NCAM2: variants seen among roughly 807,000 people sequenced by gnomAD.
The protein encoded by NCAM2 is neural cell adhesion molecule 2, also known as N-CAM-2.
In NCAM2, 30 loss-of-function variants were observed where a neutral mutation model predicts 98.1. The observed-to-expected ratio is 0.31, with a 90% confidence interval of 0.23 to 0.41. The LOEUF is 0.41. Ranked by LOEUF, NCAM2 falls within the 10% of genes least tolerant of loss-of-function variation. The pLI, the probability that NCAM2 is intolerant of heterozygous loss-of-function variation, is 1.00. For synonymous variants in NCAM2, 368 were observed against 342.4 expected, an observed-to-expected ratio of 1.07 and a Z score of -0.83; for missense variants, 867 against 1,005.8, an observed-to-expected ratio of 0.86 and a Z score of 1.87.
chr21:21,527,863 T>C (rs1251651134), intron 16 of NCAM2, among the ~76,000 whole-genome samples: 2 of 152,178 alleles, frequency 1.3e-5, no homozygotes, highest in African/African-American at 2.4e-5. Context: ...CCCAAAGAAG[T>C]TGAAAGTGTA....
In NCAM2 at chr21:21,101,782, AT is replaced by A. The variant is rs1211340932; in HGVS notation, c.55+103165del. ...TTCCTTAAGACCTATACACAAAAAA[AT>A]AAATGAACAAAATAAGTAAAGTTAA... On this transcript the variant is annotated intron_variant, in intron 1 of 17. Coordinates refer to ENST00000400546, the MANE Select transcript of NCAM2 (RefSeq NM_004540.5). 2.0e-5 allele frequency among the ~76,000 whole-genome samples: 3 copies of A among 152,122 alleles called. 1 individual carries two copies. In the East Asian group the frequency reaches 5.8e-4, roughly 29 times the overall value.
At chr21:21,184,949 C>G (rs1302575396) in intron 1 of NCAM2, among the ~76,000 whole-genome samples, 2 of 152,096 alleles carry the variant, frequency 1.3e-5, no homozygotes, top group African/African-American at 4.8e-5. Flanking sequence ...ACCACACTTA[C>G]AGATGCATTT....
At chr21:21,099,808 C>T (rs930445038) in intron 1 of NCAM2, among the ~76,000 whole-genome samples, 17 of 151,996 alleles carry the variant, frequency 1.1e-4, no homozygotes, top group African/African-American at 3.6e-4. Flanking sequence ...TTTATATTAG[C>T]GATCCCAGTT....
At chr21:21,221,642 T>C (rs1601688014) in intron 1 of NCAM2, among the ~76,000 whole-genome samples, 1 of 152,160 alleles carries the variant, frequency 6.6e-6, no homozygotes, top group African/African-American at 2.4e-5. Context: ...TTGCAAAGGC[T>C]GTGGGAGCTA....
At chr21:21,199,623 A>G (rs911646892) in intron 1 of NCAM2, among the ~76,000 whole-genome samples, 11 of 152,198 alleles carry the variant, frequency 7.2e-5, no homozygotes, top group African/African-American at 2.4e-4. Context: ...TCAACTTTGA[A>G]TGATTTTACT....
chr21:21,204,381 A>G lies in NCAM2; in HGVS notation c.56-76197A>G, dbSNP rs561902047. Among the ~76,000 whole-genome samples, 12 of 152,274 alleles carry G rather than the reference A, an allele frequency of 7.9e-5. No homozygotes were observed. In the East Asian group the frequency reaches 1.9e-3, roughly 24 times the overall value. On this transcript the variant is annotated intron_variant, in intron 1 of 17. Transcript: ENST00000400546. ...TTGAGATTTTCGGTAGCTTTCTTAT[A>G]CAGGGTACTTGATACAGAACACACT...
intron 4 of NCAM2, 148 bp from the exon 5 acceptor site, chr21:21,291,956 A>G (rs1168594003): frequency 1.5e-6 from 1 of 653,846 alleles, no homozygotes; most frequent in African/African-American, 1.9e-5. Flanking sequence ...TCATGAAATT[A>G]CATTTTACTT....
At chr21:21,315,539 T>A (rs1319174338) in intron 5 of NCAM2, among the ~76,000 whole-genome samples, 1 of 152,206 alleles carries the variant, frequency 6.6e-6, no homozygotes, top group East Asian at 1.9e-4. Flanking sequence ...ACAGTTTATC[T>A]GATTGAAGAA....
chr21:21,155,629 A>G (rs1169932070), intron 1 of NCAM2, among the ~76,000 whole-genome samples: 1 of 151,898 alleles, frequency 6.6e-6, no homozygotes, highest in East Asian at 1.9e-4. Context: ...AGTATATGGT[A>G]TGAGCTCCCT....
chr21:21,357,291 T>A (rs961601776), intron 8 of NCAM2, among the ~76,000 whole-genome samples: 1 of 152,104 alleles, frequency 6.6e-6, no homozygotes, highest in Admixed American at 6.6e-5. Context: ...CACCAAAATA[T>A]CTCCTCGTAA....
chr21:21,441,839 C>A (rs548489595), intron 12 of NCAM2, among the ~76,000 whole-genome samples: 17 of 151,906 alleles, frequency 1.1e-4, no homozygotes, highest in Non-Finnish European at 2.4e-4. Context: ...CATGGTTGCA[C>A]TAGAGAGAAA....
chr21:21,257,849 G>T (rs979694681), intron 1 of NCAM2, among the ~76,000 whole-genome samples: 2 of 152,078 alleles, frequency 1.3e-5, no homozygotes, highest in Non-Finnish European at 2.9e-5. Flanking sequence ...CCAAAGTGCT[G>T]GGATTACAGG....
intron 1 of NCAM2, among the ~76,000 whole-genome samples, chr21:21,057,892 C>T (rs2065245111): frequency 6.6e-6 from 1 of 151,942 alleles, no homozygotes; most frequent in Non-Finnish European, 1.5e-5. Context: ...GTTAACTTTC[C>T]CTACCCCTTA....
intron 1 of NCAM2, among the ~76,000 whole-genome samples, chr21:21,057,542 C>T (rs921224033): frequency 1.3e-5 from 2 of 152,068 alleles, no homozygotes; most frequent in African/African-American, 4.8e-5. Flanking sequence ...GTGCTTCCTG[C>T]TGGGACAAAG....
intron 12 of NCAM2, among the ~76,000 whole-genome samples, chr21:21,455,785 G>C (rs1200380179): frequency 1.3e-5 from 2 of 151,814 alleles, no homozygotes; most frequent in Non-Finnish European, 2.9e-5. Flanking sequence ...AACAACAAAG[G>C]ACAGAAAGAA....
In NCAM2 at chr21:21,417,806, T is replaced by A. The variant is rs190839252; in HGVS notation, c.1384-667T>A. 7.2e-5 allele frequency among the ~76,000 whole-genome samples: 11 copies of A among 152,154 alleles called. No homozygotes were observed. In the East Asian group the frequency reaches 2.1e-3, roughly 29 times the overall value. On this transcript the variant is annotated intron_variant, in intron 10 of 17. Transcript: ENST00000400546. ...CAGAAATGGAAGCAAGATACTGTTA[T>A]TAGATAGCGAGAAAAAGTGCCTGTC... is the stretch of plus-strand genomic sequence containing the variant.
intron 1 of NCAM2, among the ~76,000 whole-genome samples, chr21:21,080,149 C>T (rs193135356): frequency 2.9e-4 from 44 of 152,036 alleles, no homozygotes; most frequent in African/African-American, 9.4e-4. Flanking sequence ...TGTTGATTGC[C>T]GTAATAGTAA....
chr21:21,350,264 C>T, intron 8 of NCAM2, among the ~76,000 whole-genome samples: 1 of 152,070 alleles, frequency 6.6e-6, no homozygotes, highest in South Asian at 2.1e-4. Flanking sequence ...ACACTATTCT[C>T]ACTGTAAAAT....
intron 5 of NCAM2, among the ~76,000 whole-genome samples, chr21:21,302,199 C>G (rs1376968594): frequency 6.6e-6 from 1 of 151,842 alleles, no homozygotes; most frequent in Non-Finnish European, 1.5e-5. Context: ...ATAGCAAAGA[C>G]TTGGAACCAA....
Sources: allele counts gnomAD v4.1 joint callset (sites outside exome capture counted in the v4.1 genomes callset), GRCh38; gene constraint gnomAD v4.1.1; transcripts MANE v1.5; gene names NCBI Gene and HGNC (gene_info 2026-07-23, HGNC 2026-07-21).